The following ARHGAP19 variants were observed in gnomAD, a reference collection of about 807,000 sequenced individuals.
The protein encoded by ARHGAP19 is rho GTPase-activating protein 19.
ARHGAP19 carries 48 observed loss-of-function variants against 60.9 expected under a neutral mutation model. That is an observed-to-expected ratio of 0.79 (90% CI 0.62 to 1.00). The LOEUF (loss-of-function observed/expected upper bound fraction) is 1.00, where lower values mean the gene tolerates loss of function less well. Ranked by LOEUF, ARHGAP19 falls within the 50% of genes least tolerant of loss-of-function variation. ARHGAP19 has a pLI of 0.00. For synonymous variants in ARHGAP19, 209 were observed against 215.5 expected, an observed-to-expected ratio of 0.97 and a Z score of 0.27; for missense variants, 562 against 597.2, an observed-to-expected ratio of 0.94 and a Z score of 0.61.
In ARHGAP19 at chr10:97,230,737, A is replaced by G. The variant is rs1022672139; in HGVS notation, c.1285-863T>C. ...AGGGATCCAGACAGGCTAGATGGTC[A>G]ATTATACCTTGATAAGGCTGAGGGA... is the stretch of plus-strand genomic sequence containing the variant. On this transcript the variant is annotated intron_variant, in intron 9 of 11. Coordinates refer to ENST00000358531, the MANE Select transcript of ARHGAP19 (RefSeq NM_032900.6). Among the ~76,000 whole-genome samples, 5 of 152,200 alleles carry G rather than the reference A, an allele frequency of 3.3e-5. No individual in the cohort carries two copies. In the East Asian group the frequency reaches 9.6e-4, roughly 29 times the overall value.
intron 2 of ARHGAP19, 78 bp downstream of exon 2, chr10:97,265,782 C>G: frequency 6.5e-7 from 1 of 1,531,686 alleles, no homozygotes; most frequent in Non-Finnish European, 8.8e-7. Flanking sequence ...AGCAACTCTT[C>G]GGTGAATGTG....
intron 1 of ARHGAP19, among the ~76,000 whole-genome samples, chr10:97,280,335 G>A (rs1182299395): frequency 1.3e-5 from 2 of 150,536 alleles, no homozygotes; most frequent in Non-Finnish European, 1.5e-5. Context: ...CTTGAACCCG[G>A]GAGGCAGAGG....
chr10:97,240,168 A>G (rs1842455950), intron 8 of ARHGAP19, among the ~76,000 whole-genome samples: 1 of 152,052 alleles, frequency 6.6e-6, no homozygotes. Context: ...GCACTTATCT[A>G]TTAAAAGGGA....
chr10:97,285,519 C>CTT (rs1245251335), intron 1 of ARHGAP19, among the ~76,000 whole-genome samples: 119 of 110,898 alleles, frequency 1.1e-3, no homozygotes, highest in Middle Eastern at 5.4e-3. Context: ...TTTTTTTTTG[C>CTT]TTTTTTTTTT....
At chr10:97,256,658 T>C (rs1842756525) in intron 5 of ARHGAP19, 1 of 354,902 alleles carries the variant, frequency 2.8e-6, no homozygotes, top group Non-Finnish European at 5.1e-6. Flanking sequence ...ATTAGACATG[T>C]AAACAAAATT....
intron 7 of ARHGAP19, among the ~76,000 whole-genome samples, chr10:97,244,794 C>A (rs755667758): frequency 6.6e-6 from 1 of 151,594 alleles, no homozygotes; most frequent in African/African-American, 2.4e-5. Context: ...ATTGCACAAG[C>A]GGACAGCTTA....
intron 1 of ARHGAP19, among the ~76,000 whole-genome samples, chr10:97,282,468 T>C (rs1179569100): frequency 6.6e-6 from 1 of 152,236 alleles, no homozygotes; most frequent in Non-Finnish European, 1.5e-5. Flanking sequence ...TTGAGCCAAT[T>C]AATAGAGTCT....
chr10:97,239,215 C>A (rs1343827571), intron 8 of ARHGAP19, among the ~76,000 whole-genome samples: 4 of 152,088 alleles, frequency 2.6e-5, no homozygotes, highest in Non-Finnish European at 5.9e-5. Context: ...AGGGAGTGGG[C>A]CGGGAGCGGT....
At chr10:97,264,365 A>G (rs1842870095) in intron 3 of ARHGAP19, among the ~76,000 whole-genome samples, 1 of 152,074 alleles carries the variant, frequency 6.6e-6, no homozygotes, top group Non-Finnish European at 1.5e-5. Context: ...AGGTGGGAGA[A>G]TCACCTGAGC....
At chr10:97,231,157 G>A (rs1366153649) in intron 9 of ARHGAP19, among the ~76,000 whole-genome samples, 1 of 150,774 alleles carries the variant, frequency 6.6e-6, no homozygotes, top group African/African-American at 2.4e-5. Context: ...CTATGACAGG[G>A]AAGTCAGAGG....
chr10:97,272,820 C>T (rs1393852366), intron 1 of ARHGAP19, among the ~76,000 whole-genome samples: 1 of 150,662 alleles, frequency 6.6e-6, no homozygotes, highest in African/African-American at 2.4e-5. Context: ...TTTGTTGAAC[C>T]TCTCTATTGA....
chr10:97,236,754 C>T (rs538005684), intron 8 of ARHGAP19, among the ~76,000 whole-genome samples: 30 of 139,148 alleles, frequency 2.2e-4, no homozygotes, highest in African/African-American at 7.2e-4. Flanking sequence ...GTCGAGGCTG[C>T]AGTGAGCCAT....
At position 97,288,610 on chromosome 10, in the gene ARHGAP19, A is replaced by T. The variant is rs191402093; in HGVS notation, c.56+3962T>A. ...AAAAAAGAAAAAAAGAACAACAAAAAAAAAAGATTAATCCCTGCAGAGCAA... is the reference window on the plus strand; with the variant it reads ...AAAAAAGAAAAAAAGAACAACAAAATAAAAAGATTAATCCCTGCAGAGCAA... On this transcript the variant is annotated intron_variant, in intron 1 of 11. Coordinates refer to ENST00000358531, the MANE Select transcript of ARHGAP19 (RefSeq NM_032900.6). 1.3e-3 allele frequency among the ~76,000 whole-genome samples: 200 copies of T among 151,492 alleles called. 1 individual carries two copies. Among genetic ancestry groups the T allele is most frequent in the African/African-American group, 4.7e-3 (193 of 41,330 alleles).
Position 97,265,951 on chromosome 10 carries a change from A to G in ARHGAP19, c.231T>C (p.Ala77=). Residue 77 remains alanine, a synonymous_variant, in exon 2 of 12, where the codon GCT becomes GCC. Coordinates refer to ENST00000358531, the MANE Select transcript of ARHGAP19 (RefSeq NM_032900.6). ...TAAGGTCCACTTCCCCCATCAGCTG[A>G]GCCAACTCAGTTCCAGGTAAATCGA... The part of the protein sequence containing the change: ...RLIDLPGTEL[A]QLMGEVDLKL... 6.2e-7 allele frequency: 1 copy of G among 1,614,082 alleles called. No individual in the cohort carries two copies. The highest frequency in any genetic ancestry group is 8.5e-7 in the Non-Finnish European group (1 of 1,180,018).
rs1196611918 is a variant in ARHGAP19 at position 97,222,634 on chromosome 10, C to T, written c.*3488G>A. The T allele has an allele frequency of 2.0e-5, 3 of 152,242 alleles. No homozygotes were observed. Among genetic ancestry groups the T allele is most frequent in the African/African-American group, 7.2e-5 (3 of 41,466 alleles). 9.4% of individuals were successfully genotyped at this position (152,242 alleles called of 1,614,324 possible). On this transcript the variant is annotated 3_prime_UTR_variant, in exon 12 of 12. Transcript: ENST00000358531. ...TGGGTTTTAGTTGAGTTAATCACCA[C>T]TGGTGTAAAACGCTTGTGCATCTTA...
intron 4 of ARHGAP19, among the ~76,000 whole-genome samples, chr10:97,261,300 A>C (rs1842827011): frequency 6.6e-6 from 1 of 151,414 alleles, no homozygotes; most frequent in Non-Finnish European, 1.5e-5. Context: ...TTTCTAGAAA[A>C]TGTTCTCTGT....
At position 97,224,105 on chromosome 10, in the gene ARHGAP19, T is replaced by A. The variant is rs375921518; in HGVS notation, c.*2017A>T. 1.4e-4 allele frequency: 21 copies of A among 152,234 alleles called. No individual in the cohort carries two copies. Among genetic ancestry groups the A allele is most frequent in the African/African-American group, 5.1e-4 (21 of 41,526 alleles). 9.4% of individuals were successfully genotyped at this position (152,234 alleles called of 1,614,324 possible). A position where few individuals can be genotyped will look rare whatever the true frequency, so the allele number is the denominator to read the frequency against. On this transcript the variant is annotated 3_prime_UTR_variant, in exon 12 of 12. Coordinates refer to ENST00000358531, the MANE Select transcript of ARHGAP19 (RefSeq NM_032900.6). ...TCTCAGCTACTTCCCTTAAATAGAATCAAAAACTAACACGATGACAGGAGC... is the reference window on the plus strand; with the variant it reads ...TCTCAGCTACTTCCCTTAAATAGAAACAAAAACTAACACGATGACAGGAGC...
intron 9 of ARHGAP19, among the ~76,000 whole-genome samples, chr10:97,231,988 T>G (rs1589443827): frequency 6.7e-6 from 1 of 150,262 alleles, no homozygotes. Flanking sequence ...TGTTTTTTTT[T>G]TTTTTTTTTT....
chr10:97,291,563 G>A (rs961590459), intron 1 of ARHGAP19, among the ~76,000 whole-genome samples: 1 of 152,128 alleles, frequency 6.6e-6, no homozygotes, highest in Admixed American at 6.6e-5. Context: ...CAAAGTGCTG[G>A]GATTACAGGC....
Sources: gnomAD v4.1 joint callset for allele counts (sites outside exome capture counted in the v4.1 genomes callset) on GRCh38, gnomAD v4.1.1 for gene constraint, MANE v1.5 for transcripts, NCBI Gene and HGNC (gene_info 2026-07-23, HGNC 2026-07-21) for gene names.